BRWD1: variants seen among roughly 807,000 people sequenced by gnomAD.
BRWD1 encodes bromodomain and WD repeat-containing protein 1.
A neutral mutation model predicts 251.2 loss-of-function variants in BRWD1; 82 were observed. The observed-to-expected ratio is 0.33, with a 90% CI of 0.27 to 0.39. The LOEUF is 0.39. Among genes scored for constraint, BRWD1 ranks in the 10% least tolerant of loss-of-function variants. BRWD1 has a pLI of 1.00. For synonymous variants in BRWD1, 918 were observed against 902.8 expected, an observed-to-expected ratio of 1.02 and a Z score of -0.30; for missense variants, 2,233 against 2,711.6, an observed-to-expected ratio of 0.82 and a Z score of 3.92.
In BRWD1 at chr21:39,185,734, A is replaced by T. The variant is rs2031195499; in HGVS notation, c.*10525T>A. 6.6e-6 allele frequency: 1 copy of T among 152,136 alleles called. No individual in the cohort carries two copies. Among genetic ancestry groups the T allele is most frequent in the Non-Finnish European group, 1.5e-5 (1 of 67,986 alleles). 9.4% of individuals were successfully genotyped at this position (152,136 alleles called of 1,614,324 possible). A position where few individuals can be genotyped will look rare whatever the true frequency, so the allele number is the denominator to read the frequency against. On this transcript the variant is annotated 3_prime_UTR_variant, in exon 41 of 41. Transcript: ENST00000342449. The stretch of plus-strand genomic sequence containing the variant: ...AAAAAAAAAAAAATGCATTTGACTT[A>T]AAAAAGAAATAGAAAACCCTAGGTT...
chr21:39,220,041 C>T (rs1464454958), intron 29 of BRWD1, among the ~76,000 whole-genome samples: 1 of 146,260 alleles, frequency 6.8e-6, no homozygotes, highest in Admixed American at 6.9e-5. Context: ...TTAAAAAACA[C>T]TGGTTTATCA....
Position 39,206,405 on chromosome 21 carries a change from T to G in BRWD1, c.4198-131A>C, listed in dbSNP as rs1411154943. ...TAGGTAATGGCTGTCACCCACTTCT[T>G]CTGTTTCCAACCCCCTTCCCTTAAT... On this transcript the variant is annotated intron_variant, in intron 36 of 40. Transcript: ENST00000342449. The G allele has an allele frequency of 4.6e-6, 3 of 649,306 alleles. No individual in the cohort carries two copies. The African/African-American group carries it at 5.6e-5, about 12-fold the overall frequency. 40.2% of individuals were successfully genotyped at this position (649,306 alleles called of 1,614,324 possible). A position where few individuals can be genotyped will look rare whatever the true frequency, so the allele number is the denominator to read the frequency against.
chr21:39,204,289 T>C (rs932462542), intron 37 of BRWD1, among the ~76,000 whole-genome samples: 3 of 151,320 alleles, frequency 2.0e-5, no homozygotes, highest in African/African-American at 7.3e-5. Context: ...TTGCAATAGA[T>C]TGAGATGCAT....
At chr21:39,273,267 A>G (rs2035175145) in intron 13 of BRWD1, among the ~76,000 whole-genome samples, 1 of 152,190 alleles carries the variant, frequency 6.6e-6, no homozygotes, top group Admixed American at 6.5e-5. Context: ...CAACTAATCA[A>G]GGATTGACAG....
chr21:39,199,600 C>T lies in BRWD1; in HGVS notation c.4816G>A (p.Asp1606Asn). 1 of 1,614,070 alleles carries T rather than the reference C, an allele frequency of 6.2e-7. No individual in the cohort carries two copies. Among genetic ancestry groups the T allele is most frequent in the Non-Finnish European group, 8.5e-7 (1 of 1,179,994 alleles). The change falls in exon 40 of 41, where the codon GAT becomes AAT. Residue 1606 changes from aspartate to asparagine, a missense_variant. This residue lies in a region of BRWD1 where 928 missense variants were observed against 970.0 expected (regional missense o/e 0.96). Transcript: ENST00000342449. ...KATRKRVYLS[D>N]SDNNSLETGE... is the part of the protein sequence containing the mutation. ...GTCTCCAATGAATTGTTATCAGAATCACTTAAATAGACTCTCTTTCGAGTG... is the reference window on the plus strand; with the variant it reads ...GTCTCCAATGAATTGTTATCAGAATTACTTAAATAGACTCTCTTTCGAGTG...
chr21:39,311,575 C>G (rs1283351024), intron 4 of BRWD1, among the ~76,000 whole-genome samples: 1 of 152,190 alleles, frequency 6.6e-6, no homozygotes, highest in Non-Finnish European at 1.5e-5. Flanking sequence ...TCCGCTTCAC[C>G]GATAAGGCTA....
Position 39,236,651 on chromosome 21 carries a change from A to C in BRWD1, c.2710T>G (p.Leu904Val). The C allele has an allele frequency of 6.2e-7, 1 of 1,613,444 alleles. No homozygotes were observed. Among genetic ancestry groups the C allele is most frequent in the Non-Finnish European group, 8.5e-7 (1 of 1,179,670 alleles). Residue 904 changes from leucine (L) to valine (V), a missense_variant, in exon 23 of 41, where the codon TTA (leucine) becomes GTA (valine). Leu to Val is a conservative substitution (Grantham distance 32, BLOSUM62 1). This residue lies in a region of BRWD1 where 214 missense variants were observed against 222.0 expected (regional missense o/e 0.96). Coordinates refer to ENST00000342449, the MANE Select transcript of BRWD1 (RefSeq NM_033656.4). ...TTTCGTCTTCTTTTTGGAGGAGATAAATTCTCAGTAGATATTTCATCTTCT... is the reference window on the plus strand; with the variant it reads ...TTTCGTCTTCTTTTTGGAGGAGATACATTCTCAGTAGATATTTCATCTTCT... ...SSEDEISTEN[L>V]SPPKRRRKRK...
chr21:39,257,828 G>A (rs1490988394), intron 18 of BRWD1, among the ~76,000 whole-genome samples: 1 of 151,772 alleles, frequency 6.6e-6, no homozygotes, highest in African/African-American at 2.4e-5. Flanking sequence ...ACAAAAAAAA[G>A]CAAAAGCAAG....
Position 39,238,478 on chromosome 21 carries a change from C to T in BRWD1, c.2576+1G>A. The stretch of plus-strand genomic sequence containing the variant: ...AAGACCACAACAATAAAAACAGATA[C>T]CTTGAACTTTCGCTGTAACTCTCAC... On this transcript the variant is annotated splice_donor_variant, in intron 22 of 40. Transcript: ENST00000342449. LOFTEE classifies it high-confidence loss of function. 1 of 1,608,352 alleles carries T rather than the reference C, an allele frequency of 6.2e-7. No individual in the cohort carries two copies. Among genetic ancestry groups the T allele is most frequent in the African/African-American group, 1.3e-5 (1 of 74,862 alleles).
At chr21:39,286,266 C>T (rs1340739136) in intron 8 of BRWD1, among the ~76,000 whole-genome samples, 1 of 152,094 alleles carries the variant, frequency 6.6e-6, no homozygotes, top group Non-Finnish European at 1.5e-5. Flanking sequence ...GATCTGCCCG[C>T]CTCGGCCTCC....
intron 29 of BRWD1, among the ~76,000 whole-genome samples, chr21:39,223,433 TAAAG>T (rs1017722631): frequency 8.6e-5 from 13 of 151,992 alleles, no homozygotes; most frequent in East Asian, 3.9e-4. Flanking sequence ...TAAAAACACA[TAAAG>T]AAAGCTTGGT....
chr21:39,265,026 A>T lies in BRWD1; in HGVS notation c.1531-7T>A, dbSNP rs760029227. 4 of 1,608,400 alleles carry T rather than the reference A, an allele frequency of 2.5e-6. No homozygotes were observed. The highest frequency in any genetic ancestry group is 3.4e-6 in the Non-Finnish European group (4 of 1,178,588). On this transcript the variant is annotated splice_polypyrimidine_tract_variant and splice_region_variant and intron_variant, in intron 15 of 40. Coordinates refer to ENST00000342449, the MANE Select transcript of BRWD1 (RefSeq NM_033656.4). ...CATGTCCTTGTCCTTCAATCTAGGA[A>T]ACACAAAAGGAAAAAAGTTAGGACC...
intron 8 of BRWD1, among the ~76,000 whole-genome samples, chr21:39,284,522 T>C (rs2035570749): frequency 6.6e-6 from 1 of 152,208 alleles, no homozygotes. Context: ...ATAATAGTTG[T>C]ACTAATTTAC....
In BRWD1 at chr21:39,312,824, A is replaced by C. The variant is rs751176565; in HGVS notation, c.198+17T>G. On this transcript the variant is annotated intron_variant, in intron 4 of 40. Transcript: ENST00000342449. ...GGTGCACGGAAAACCCGGGGAGCAA[A>C]CGTGCCCAATGCTCACCAACTCCTC... The C allele has an allele frequency of 6.3e-7, 1 of 1,580,160 alleles. No individual in the cohort carries two copies. Among genetic ancestry groups the C allele is most frequent in the East Asian group, 2.4e-5 (1 of 42,308 alleles).
At position 39,313,112 on chromosome 21, in the gene BRWD1, G is replaced by A. The variant is rs1196373823; in HGVS notation, c.109-11C>T. The A allele has an allele frequency of 1.1e-5, 17 of 1,496,648 alleles. No homozygotes were observed. Among genetic ancestry groups the A allele is most frequent in the South Asian group, 6.4e-5 (5 of 78,650 alleles). 92.7% of individuals were successfully genotyped at this position (1,496,648 alleles called of 1,614,324 possible). On this transcript the variant is annotated splice_polypyrimidine_tract_variant and intron_variant, in intron 2 of 40. Coordinates refer to ENST00000342449, the MANE Select transcript of BRWD1 (RefSeq NM_033656.4). ...CTCCTGCACCAGCACCTGCGGCCGA[G>A]AGACGCGCGGTCAGGGGTGGGGTCG...
At chr21:39,285,233 G>A (rs1183163932) in intron 8 of BRWD1, among the ~76,000 whole-genome samples, 1 of 152,184 alleles carries the variant, frequency 6.6e-6, no homozygotes, top group Non-Finnish European at 1.5e-5. Flanking sequence ...GCACAGAAAG[G>A]CAAACACTGT....
Position 39,277,368 on chromosome 21 carries a change from A to G in BRWD1, c.1004-17T>C, listed in dbSNP as rs1288497037. On this transcript the variant is annotated splice_polypyrimidine_tract_variant and intron_variant, in intron 10 of 40. Transcript: ENST00000342449. ...ACATACCACCTGAAATAAAAATGGT[A>G]AGGTTTAAACATCCAGTTTATAACA... 1 of 1,526,794 alleles carries G rather than the reference A, an allele frequency of 6.5e-7. No individual in the cohort carries two copies. Among genetic ancestry groups the G allele is most frequent in the Non-Finnish European group, 9.0e-7 (1 of 1,115,840 alleles). 94.6% of individuals were successfully genotyped at this position (1,526,794 alleles called of 1,614,324 possible).
At chr21:39,292,026 A>T (rs938564211) in intron 8 of BRWD1, among the ~76,000 whole-genome samples, 1 of 149,128 alleles carries the variant, frequency 6.7e-6, no homozygotes, top group African/African-American at 2.5e-5. Context: ...GGCTCACTGC[A>T]GCCTCAACCT....
intron 13 of BRWD1, among the ~76,000 whole-genome samples, chr21:39,272,768 C>T (rs921261611): frequency 1.3e-5 from 2 of 151,838 alleles, no homozygotes; most frequent in Non-Finnish European, 2.9e-5. Context: ...CCACCATATC[C>T]GGCTAATTTT....
Sources: gnomAD v4.1 joint callset for allele counts (sites outside exome capture counted in the v4.1 genomes callset) on GRCh38, gnomAD v4.1.1 for gene constraint, gnomAD v4.1.1 regional missense constraint, MANE v1.5 for transcripts, NCBI Gene and HGNC (gene_info 2026-07-23, HGNC 2026-07-21) for gene names.